Variants in CSMD1 observed in about 807,000 individuals in gnomAD.
The protein encoded by CSMD1 is CUB and sushi domain-containing protein 1.
A neutral mutation model predicts 417.5 loss-of-function variants in CSMD1; 213 were observed. That is an observed-to-expected ratio of 0.51 (90% CI 0.46 to 0.57). The LOEUF (loss-of-function observed/expected upper bound fraction) is 0.57, where lower values mean the gene tolerates loss of function less well. Ranked by LOEUF, CSMD1 falls within the 20% of genes least tolerant of loss-of-function variation. The pLI, the probability that CSMD1 is intolerant of heterozygous loss-of-function variation, is 0.00. For missense variants in CSMD1, 6,923 were observed against 4,529.7 expected, an observed-to-expected ratio of 1.53 and a Z score of -15.17; for synonymous variants, 2,862 against 1,736.8, an observed-to-expected ratio of 1.65 and a Z score of -16.11.
intron 2 of CSMD1, among the ~76,000 whole-genome samples, chr8:4,636,355 C>G (rs1802810151): frequency 6.6e-6 from 1 of 152,122 alleles, no homozygotes; most frequent in African/African-American, 2.4e-5. Context: ...GTTTTGCTTT[C>G]TTCATTGTAA....
chr8:4,078,472 G>T (rs34541279), intron 3 of CSMD1, among the ~76,000 whole-genome samples: 15,643 of 151,630 alleles, frequency 0.1, 902 homozygotes, highest in Middle Eastern at 0.15. Flanking sequence ...CACCATGTTA[G>T]CCAGGATGGT....
At chr8:3,396,117 C>A (rs529011077) in intron 17 of CSMD1, 77 bp downstream of exon 17, 7 of 1,281,320 alleles carry the variant, frequency 5.5e-6, no homozygotes, top group Non-Finnish European at 7.7e-6. Flanking sequence ...CATCTGCAGG[C>A]TGGAAATAAG....
chr8:3,198,059 A>G (rs1425505135), intron 33 of CSMD1, among the ~76,000 whole-genome samples: 8 of 152,180 alleles, frequency 5.3e-5, no homozygotes, highest in Admixed American at 3.9e-4. Flanking sequence ...TCCTCTATAA[A>G]TGATGTTCTT....
At position 4,534,706 on chromosome 8, in the gene CSMD1, G is replaced by C. The variant is rs191492183; in HGVS notation, c.302+102636C>G. ...ATGTGGTATTTGGTATTCGGTCCCTGTGTTAGCTTGCTTAGGATTATGACC... is the reference window on the plus strand; with the variant it reads ...ATGTGGTATTTGGTATTCGGTCCCTCTGTTAGCTTGCTTAGGATTATGACC... On this transcript the variant is annotated intron_variant, in intron 2 of 69. Transcript: ENST00000635120. Among the ~76,000 whole-genome samples, 237 of 152,214 alleles carry C rather than the reference G, an allele frequency of 1.6e-3. 2 individuals carry two copies. Among genetic ancestry groups the C allele is most frequent in the African/African-American group, 5.4e-3 (223 of 41,532 alleles).
chr8:3,194,815 A>G (rs753239195), intron 33 of CSMD1, among the ~76,000 whole-genome samples: 3 of 151,968 alleles, frequency 2.0e-5, no homozygotes, highest in Non-Finnish European at 4.4e-5. Flanking sequence ...GAGTCTTTCC[A>G]GCAGAAGACC....
intron 54 of CSMD1, among the ~76,000 whole-genome samples, chr8:2,994,145 C>CAAAAAAAAAAAAAAAAAAAAAAAA (rs35438493): frequency 6.6e-5 from 2 of 30,520 alleles, no homozygotes; most frequent in African/African-American, 2.4e-4. Flanking sequence ...AACTCCATCT[C>CAAAAAAAAAAAAAAAAAAAAAAAA]AAAAAAAAAA....
intron 5 of CSMD1, among the ~76,000 whole-genome samples, chr8:3,927,482 T>G (rs1693070633): frequency 6.6e-6 from 1 of 151,786 alleles, no homozygotes; most frequent in Non-Finnish European, 1.5e-5. Flanking sequence ...CTGGCCAACA[T>G]GGTGAGACCC....
At chr8:4,895,296 C>T (rs1363383188) in intron 1 of CSMD1, among the ~76,000 whole-genome samples, 3 of 152,012 alleles carry the variant, frequency 2.0e-5, no homozygotes, top group Admixed American at 2.0e-4. Flanking sequence ...ATGGTAAGTC[C>T]GTATGACTTA....
chr8:3,047,797 C>G (rs62490535), intron 50 of CSMD1, among the ~76,000 whole-genome samples: 39,163 of 152,156 alleles, frequency 0.26, 5,784 homozygotes, highest in East Asian at 0.36. Context: ...TAGAGACCAG[C>G]TTGCAATGCA....
At chr8:4,268,279 G>A (rs1349841927) in intron 3 of CSMD1, among the ~76,000 whole-genome samples, 1 of 152,086 alleles carries the variant, frequency 6.6e-6, no homozygotes, top group African/African-American at 2.4e-5. Flanking sequence ...TTCTATATTT[G>A]AACAAAATGA....
intron 26 of CSMD1, among the ~76,000 whole-genome samples, chr8:3,272,563 G>C (rs1362903062): frequency 2.9e-5 from 4 of 137,454 alleles, no homozygotes; most frequent in Admixed American, 7.4e-5. Flanking sequence ...CTACCCATGA[G>C]CATGGAATGT....
chr8:4,686,120 T>C (rs1382052544), intron 1 of CSMD1, among the ~76,000 whole-genome samples: 1 of 152,064 alleles, frequency 6.6e-6, no homozygotes, highest in Non-Finnish European at 1.5e-5. Context: ...TGTCAGAAAA[T>C]TTGAGATGCC....
intron 2 of CSMD1, among the ~76,000 whole-genome samples, chr8:4,443,995 G>T (rs140704349): frequency 1.1e-4 from 16 of 152,250 alleles, no homozygotes; most frequent in African/African-American, 3.6e-4. Flanking sequence ...TACAAACGGA[G>T]TAAGAATGGT....
intron 1 of CSMD1, among the ~76,000 whole-genome samples, chr8:4,821,869 G>A (rs533565460): frequency 1.8e-4 from 27 of 152,240 alleles, no homozygotes; most frequent in Admixed American, 2.6e-4. Context: ...GCCTCCACAC[G>A]CTTCTGCTCT....
At chr8:3,811,871 A>G (rs1045622681) in intron 5 of CSMD1, among the ~76,000 whole-genome samples, 5 of 152,120 alleles carry the variant, frequency 3.3e-5, no homozygotes, top group Admixed American at 3.3e-4. Flanking sequence ...TTAAGCCACT[A>G]TGTGTTGTGT....
intron 3 of CSMD1, among the ~76,000 whole-genome samples, chr8:4,131,870 C>G (rs992184656): frequency 6.9e-6 from 1 of 144,190 alleles, no homozygotes; most frequent in Non-Finnish European, 1.5e-5. Flanking sequence ...TCACGCCATT[C>G]TCCTGCCTTA....
chr8:3,510,101 T>G (rs1275542415), intron 10 of CSMD1, among the ~76,000 whole-genome samples: 4 of 152,042 alleles, frequency 2.6e-5, no homozygotes, highest in African/African-American at 9.7e-5. Flanking sequence ...AGTAAATGAT[T>G]CCAGCCTGAA....
At chr8:4,360,200 G>A (rs4875339) in intron 3 of CSMD1, among the ~76,000 whole-genome samples, 119,237 of 152,046 alleles carry the variant, frequency 0.78, 47,119 homozygotes, top group African/African-American at 0.89. Context: ...CGTGGCATTT[G>A]TCACCATTTT....
At chr8:4,511,723 T>C (rs1401708333) in intron 2 of CSMD1, among the ~76,000 whole-genome samples, 1 of 152,158 alleles carries the variant, frequency 6.6e-6, no homozygotes, top group African/African-American at 2.4e-5. Flanking sequence ...GCTGGCTCAG[T>C]GTTCCCCAAG....
Sources: allele counts gnomAD v4.1 joint callset (sites outside exome capture counted in the v4.1 genomes callset), GRCh38; gene constraint gnomAD v4.1.1; transcripts MANE v1.5; gene names NCBI Gene and HGNC (gene_info 2026-07-23, HGNC 2026-07-21).